Variants in MYO18B observed in about 807,000 individuals in gnomAD.
MYO18B encodes the protein unconventional myosin-XVIIIb.
A neutral mutation model predicts 273.0 loss-of-function variants in MYO18B; 204 were observed. That is an observed-to-expected ratio of 0.75 (90% CI 0.67 to 0.84). MYO18B has a LOEUF of 0.84. Among genes scored for constraint, MYO18B ranks in the 40% least tolerant of loss-of-function variants. The probability of loss-of-function intolerance (pLI) is 0.00; values close to 1 mark genes in which losing one functional copy is unlikely to be tolerated. For missense variants in MYO18B, 3,212 were observed against 3,287.6 expected (o/e 0.98, Z 0.56); for synonymous variants, 1,330 against 1,305.7 (o/e 1.02, Z -0.40).
At chr22:25,775,641 C>G (rs1343013336) in intron 7 of MYO18B, among the ~76,000 whole-genome samples, 3 of 152,112 alleles carry the variant, frequency 2.0e-5, no homozygotes, top group Non-Finnish European at 4.4e-5. Flanking sequence ...GAAACACACC[C>G]TTCCTCGGCT....
intron 28 of MYO18B, 130 bp from the exon 29 acceptor site, chr22:25,898,177 A>G: frequency 1.9e-6 from 2 of 1,025,640 alleles, no homozygotes; most frequent in Non-Finnish European, 2.8e-6. Flanking sequence ...TAGTCAAGAC[A>G]GGGTCTCCCC....
chr22:25,968,524 T>C (rs1357075915), intron 39 of MYO18B, among the ~76,000 whole-genome samples: 4 of 152,044 alleles, frequency 2.6e-5, no homozygotes, highest in Non-Finnish European at 5.9e-5. Flanking sequence ...TGTTCCTGCC[T>C]CCTGCTTGAC....
chr22:25,967,210 T>TA (rs1317186631), intron 39 of MYO18B, among the ~76,000 whole-genome samples: 1 of 152,172 alleles, frequency 6.6e-6, no homozygotes, highest in Non-Finnish European at 1.5e-5. Context: ...GTTAATTACT[T>TA]AAAAAAGAAA....
intron 2 of MYO18B, 33 bp from the exon 3 acceptor site, chr22:25,763,198 T>C: frequency 1.2e-6 from 2 of 1,610,396 alleles, no homozygotes; most frequent in Non-Finnish European, 1.7e-6. Context: ...GTTGACTCAC[T>C]GAGCTCTCTC....
intron 12 of MYO18B, among the ~76,000 whole-genome samples, chr22:25,817,286 TTC>T (rs562127450): frequency 4.0e-5 from 6 of 151,792 alleles, no homozygotes; most frequent in African/African-American, 7.2e-5. Flanking sequence ...TTGTCTCTCT[TTC>T]TGTCTCTTTC....
intron 11 of MYO18B, among the ~76,000 whole-genome samples, chr22:25,795,346 C>G (rs534649594): frequency 6.6e-5 from 10 of 152,248 alleles, no homozygotes; most frequent in Middle Eastern, 6.8e-3. Flanking sequence ...CATTTTGAAT[C>G]AGAAACATAT....
chr22:25,868,208 A>G, intron 21 of MYO18B, 112 bp from the exon 22 acceptor site: 2 of 863,906 alleles, frequency 2.3e-6, no homozygotes, highest in Non-Finnish European at 3.7e-6. Flanking sequence ...GCTCACAGAC[A>G]TGTGGGGTCA....
chr22:25,777,115 C>T (rs959080428), intron 7 of MYO18B, among the ~76,000 whole-genome samples: 4 of 152,166 alleles, frequency 2.6e-5, no homozygotes, highest in African/African-American at 4.8e-5. Flanking sequence ...GAAGCAGATA[C>T]GGTTTTAGTT....
chr22:25,844,262 G>T (rs1237883414), intron 18 of MYO18B, among the ~76,000 whole-genome samples: 1 of 152,188 alleles, frequency 6.6e-6, no homozygotes, highest in Non-Finnish European at 1.5e-5. Context: ...GTTTTGTAGC[G>T]TTAAAAAAAA....
intron 7 of MYO18B, among the ~76,000 whole-genome samples, chr22:25,776,986 T>C (rs2086940216): frequency 6.6e-6 from 1 of 152,228 alleles, no homozygotes; most frequent in Non-Finnish European, 1.5e-5. Flanking sequence ...TTTAATGGTA[T>C]CTCTTTGCGA....
Position 25,847,499 on chromosome 22 carries a change from G to T in MYO18B, c.3622G>T (p.Val1208Leu). 2 of 1,581,352 alleles carry T rather than the reference G, an allele frequency of 1.3e-6. No individual in the cohort carries two copies. Among genetic ancestry groups the T allele is most frequent in the Non-Finnish European group, 1.7e-6 (2 of 1,163,534 alleles). ...FIHCLVPNPVVESRSGQESPP... is the reference protein window; with the variant it reads ...FIHCLVPNPVLESRSGQESPP... ...CCACTGCCTGGTACCAAACCCTGTG[G>T]TGGAAAGCAGGAGTGGGCAGGAATC... is the stretch of plus-strand genomic sequence containing the variant. The change falls in exon 20 of 44, where the codon GTG becomes TTG. Residue 1208 changes from valine to leucine, a missense_variant. Val to Leu is a conservative substitution (Grantham distance 32). Transcript: ENST00000335473.
chr22:26,023,934 C>T (rs1482918548), intron 42 of MYO18B, among the ~76,000 whole-genome samples: 3 of 152,188 alleles, frequency 2.0e-5, no homozygotes, highest in African/African-American at 4.8e-5. Flanking sequence ...AAGAGCCCTC[C>T]ATCTCCTCTT....
intron 11 of MYO18B, among the ~76,000 whole-genome samples, chr22:25,793,749 T>C (rs1040873434): frequency 2.0e-5 from 3 of 152,182 alleles, no homozygotes; most frequent in Non-Finnish European, 4.4e-5. Context: ...TTTTATTTTC[T>C]TTTACCAAAT....
chr22:25,971,014 A>T (rs763598881), intron 39 of MYO18B, among the ~76,000 whole-genome samples: 1 of 152,222 alleles, frequency 6.6e-6, no homozygotes, highest in African/African-American at 2.4e-5. Context: ...GGATGCTCTG[A>T]TCCAGGGACT....
chr22:26,006,162 C>T (rs1934398457), intron 42 of MYO18B, among the ~76,000 whole-genome samples: 1 of 152,174 alleles, frequency 6.6e-6, no homozygotes, highest in Non-Finnish European at 1.5e-5. Flanking sequence ...AACCAAGTTT[C>T]ATAATTCTAA....
downstream of MYO18B, among the ~76,000 whole-genome samples, chr22:26,035,367 C>G (rs887129644): frequency 6.6e-6 from 1 of 152,138 alleles, no homozygotes; most frequent in African/African-American, 2.4e-5. Flanking sequence ...TGTCAGGGAC[C>G]CATAGAGAGC....
intron 15 of MYO18B, 117 bp downstream of exon 15, chr22:25,829,085 C>T (rs1272494176): frequency 2.9e-5 from 34 of 1,182,880 alleles, no homozygotes; most frequent in Non-Finnish European, 3.2e-5. Flanking sequence ...GTTTGGTTCA[C>T]CAGAGAACAA....
chr22:25,776,714 A>G (rs1316921143), intron 7 of MYO18B, among the ~76,000 whole-genome samples: 2 of 152,256 alleles, frequency 1.3e-5, no homozygotes, highest in South Asian at 2.1e-4. Flanking sequence ...TATATAGTCA[A>G]TATAACCAAT....
At chr22:25,967,723 A>G (rs2092994683) in intron 39 of MYO18B, among the ~76,000 whole-genome samples, 1 of 152,246 alleles carries the variant, frequency 6.6e-6, no homozygotes, top group Non-Finnish European at 1.5e-5. Context: ...AAGGAAATTT[A>G]TTGGCTCATG....
Sources: gnomAD v4.1 joint callset for allele counts (sites outside exome capture counted in the v4.1 genomes callset) on GRCh38, gnomAD v4.1.1 for gene constraint, MANE v1.5 for transcripts, NCBI Gene and HGNC (gene_info 2026-07-23, HGNC 2026-07-21) for gene names.